SPOCK3: variants seen among roughly 807,000 people sequenced by gnomAD.
The protein encoded by SPOCK3 is testican-3.
In SPOCK3, 30 loss-of-function variants were observed where a neutral mutation model predicts 56.6. That is an observed-to-expected ratio of 0.53 (90% CI 0.40 to 0.72). The LOEUF (loss-of-function observed/expected upper bound fraction) is 0.72, where lower values mean the gene tolerates loss of function less well. Ranked by LOEUF, SPOCK3 falls within the 30% of genes least tolerant of loss-of-function variation. The pLI is 0.00. For missense variants in SPOCK3, 527 were observed against 530.0 expected (o/e 0.99, Z 0.06); for synonymous variants, 196 against 183.3 (o/e 1.07, Z -0.56).
intron 8 of SPOCK3, among the ~76,000 whole-genome samples, chr4:166,750,016 C>A (rs116129902): frequency 6.6e-6 from 1 of 152,058 alleles, no homozygotes; most frequent in African/African-American, 2.4e-5. Context: ...TGAAAATGCA[C>A]GTACATTTGA....
intron 4 of SPOCK3, among the ~76,000 whole-genome samples, chr4:166,922,966 A>C (rs2149980530): frequency 6.6e-6 from 1 of 152,302 alleles, no homozygotes; most frequent in Admixed American, 6.5e-5. Context: ...CTGCTGTAAT[A>C]ACTTACCAAA....
intron 2 of SPOCK3, among the ~76,000 whole-genome samples, chr4:167,213,751 TG>T (rs564107258): frequency 0.011 from 1,630 of 152,266 alleles, 26 homozygotes; most frequent in African/African-American, 0.031. Flanking sequence ...CAGTGTTTGA[TG>T]ATGAAATCCT....
At chr4:167,195,480 C>T (rs1247100702) in intron 2 of SPOCK3, among the ~76,000 whole-genome samples, 2 of 152,172 alleles carry the variant, frequency 1.3e-5, no homozygotes, top group Admixed American at 6.5e-5. Flanking sequence ...TGCTCTGGGA[C>T]CAGGTTAGTG....
At chr4:167,128,531 T>C (rs76966434) in intron 2 of SPOCK3, among the ~76,000 whole-genome samples, 91 of 152,324 alleles carry the variant, frequency 6.0e-4, no homozygotes, top group Middle Eastern at 6.8e-3. Flanking sequence ...GAGGTGTTCA[T>C]ATACTGTGGC....
At chr4:167,021,192 ATATTTAC>A (rs1239899377) in intron 3 of SPOCK3, among the ~76,000 whole-genome samples, 1 of 152,100 alleles carries the variant, frequency 6.6e-6, no homozygotes, top group Admixed American at 6.6e-5. Context: ...TCTTCCAAAG[ATATTTAC>A]TATTTACTAT....
At chr4:167,161,855 A>G (rs539719087) in intron 2 of SPOCK3, among the ~76,000 whole-genome samples, 179 of 135,082 alleles carry the variant, frequency 1.3e-3, no homozygotes, top group African/African-American at 4.5e-3. Flanking sequence ...ACACATGGAC[A>G]CAGGAAGGGG....
At chr4:167,185,723 GA>G (rs1731890005) in intron 2 of SPOCK3, among the ~76,000 whole-genome samples, 1 of 152,182 alleles carries the variant, frequency 6.6e-6, no homozygotes, top group African/African-American at 2.4e-5. Flanking sequence ...AATAGTGTGG[GA>G]GGGGCATTCC....
chr4:166,751,804 G>A (rs575773187), intron 8 of SPOCK3, among the ~76,000 whole-genome samples: 43 of 152,132 alleles, frequency 2.8e-4, no homozygotes, highest in Non-Finnish European at 4.3e-4. Context: ...TTCTTAACAC[G>A]TAAGGTAGCT....
At chr4:166,946,624 A>T (rs549462286) in intron 4 of SPOCK3, among the ~76,000 whole-genome samples, 5 of 152,260 alleles carry the variant, frequency 3.3e-5, no homozygotes, top group African/African-American at 1.2e-4. Context: ...CCTCGTCAGC[A>T]CTGCATTCTG....
chr4:167,057,491 C>A (rs1465284638), intron 3 of SPOCK3, among the ~76,000 whole-genome samples: 2 of 150,564 alleles, frequency 1.3e-5, no homozygotes, highest in South Asian at 2.1e-4. Context: ...CACAGACTGG[C>A]AAATTGGATA....
At chr4:166,961,969 A>G (rs1388494632) in intron 4 of SPOCK3, among the ~76,000 whole-genome samples, 1 of 152,034 alleles carries the variant, frequency 6.6e-6, no homozygotes, top group Non-Finnish European at 1.5e-5. Context: ...GCTCTAGGAA[A>G]GAATTAGTCC....
intron 2 of SPOCK3, among the ~76,000 whole-genome samples, chr4:167,145,906 T>A (rs944606442): frequency 1.3e-5 from 2 of 152,108 alleles, no homozygotes; most frequent in Non-Finnish European, 2.9e-5. Context: ...CATCAGCTAA[T>A]GGGCAAAATA....
rs570152339 is a variant in SPOCK3, at chr4:167,167,126, A to T, written c.189+66859T>A. ...TTCCCGATGCAAATTTCACCTTGAC[A>T]TTTTGTACTCTTTTCTATATCTTTC... On this transcript the variant is annotated intron_variant, in intron 2 of 10. Transcript: ENST00000357545. 2.6e-5 allele frequency among the ~76,000 whole-genome samples: 4 copies of T among 152,186 alleles called. No individual in the cohort carries two copies. The South Asian group carries it at 8.3e-4, about 32-fold the overall frequency.
At chr4:166,995,123 T>C (rs2558135) in intron 4 of SPOCK3, among the ~76,000 whole-genome samples, 98,787 of 151,860 alleles carry the variant, frequency 0.65, 33,920 homozygotes, top group East Asian at 0.84. Flanking sequence ...ACCAATTGAA[T>C]AAATTAAGTG....
At chr4:167,079,810 C>G (rs1054444141) in intron 2 of SPOCK3, among the ~76,000 whole-genome samples, 2 of 151,904 alleles carry the variant, frequency 1.3e-5, no homozygotes, top group African/African-American at 4.8e-5. Context: ...TGCTGAGCTA[C>G]TTCATACATT....
intron 2 of SPOCK3, among the ~76,000 whole-genome samples, chr4:167,216,745 T>G (rs1735402167): frequency 6.6e-6 from 1 of 152,120 alleles, no homozygotes; most frequent in Admixed American, 6.6e-5. Flanking sequence ...AACTGTGAAT[T>G]CTCTGAATAT....
chr4:166,821,870 A>T (rs1744967580), intron 6 of SPOCK3, among the ~76,000 whole-genome samples: 1 of 152,104 alleles, frequency 6.6e-6, no homozygotes, highest in Admixed American at 6.6e-5. Flanking sequence ...GTATATGTGA[A>T]ACGAGTGAAC....
At chr4:167,160,242 C>T (rs536480605) in intron 2 of SPOCK3, among the ~76,000 whole-genome samples, 1 of 152,184 alleles carries the variant, frequency 6.6e-6, no homozygotes, top group South Asian at 2.1e-4. Context: ...TCTTATACAC[C>T]AATAACGGAC....
chr4:167,031,150 T>C lies in SPOCK3; in HGVS notation c.236-30687A>G, dbSNP rs79544068. Among the ~76,000 whole-genome samples, 14 of 152,150 alleles carry C rather than the reference T, an allele frequency of 9.2e-5. No individual in the cohort carries two copies. The East Asian group carries it at 2.7e-3, about 29-fold the overall frequency. ...ATTCAGAATAATAGCTTCCAATTAA[T>C]AAAAACCTGGTCTGATATTGATAGT... On this transcript the variant is annotated intron_variant, in intron 3 of 10. Coordinates refer to ENST00000357545, the MANE Select transcript of SPOCK3 (RefSeq NM_001040159.2).
Sources: allele counts gnomAD v4.1 joint callset (sites outside exome capture counted in the v4.1 genomes callset), GRCh38; gene constraint gnomAD v4.1.1; transcripts MANE v1.5; gene names NCBI Gene and HGNC (gene_info 2026-07-23, HGNC 2026-07-21).